KLRD1: variants seen among roughly 807,000 people sequenced by gnomAD.
The protein encoded by KLRD1 is killer cell lectin like receptor D1, also known as natural killer cells antigen CD94.
A neutral mutation model predicts 22.6 loss-of-function variants in KLRD1; 21 were observed. That is an observed-to-expected ratio of 0.93 (90% confidence interval 0.66 to 1.34). The LOEUF (loss-of-function observed/expected upper bound fraction) is 1.34. Among genes scored for constraint, KLRD1 ranks in the 40% most tolerant of loss-of-function variants. The pLI is 0.00. For missense variants in KLRD1, 183 were observed against 208.6 expected (o/e 0.88, Z 0.76); for synonymous variants, 59 against 71.1 (o/e 0.83, Z 0.85).
intron 5 of KLRD1, among the ~76,000 whole-genome samples, chr12:10,313,730 T>A (rs896565459): frequency 6.6e-6 from 1 of 152,142 alleles, no homozygotes; most frequent in Non-Finnish European, 1.5e-5. Flanking sequence ...TAATGCCTAA[T>A]GAAAGGAGGT....
rs967791357 is a variant in KLRD1, at chr12:10,322,763, G to A, written c.*7970G>A. 7.2e-5 allele frequency: 11 copies of A among 151,838 alleles called. No individual in the cohort carries two copies. Among genetic ancestry groups the A allele is most frequent in the African/African-American group, 2.7e-4 (11 of 41,392 alleles). 9.4% of individuals were successfully genotyped at this position (151,838 alleles called of 1,614,324 possible). A position where few individuals can be genotyped will look rare whatever the true frequency, so the allele number is the denominator to read the frequency against. On this transcript the variant is annotated 3_prime_UTR_variant, in exon 6 of 6. Coordinates refer to ENST00000336164, the MANE Select transcript of KLRD1 (RefSeq NM_002262.5). Reference sequence around the variant, plus strand: ...ATTTAAGCTATGTCTACACTTACACGATTACTACCAGATTGCAATAGAGAC... The same window carrying A: ...ATTTAAGCTATGTCTACACTTACACAATTACTACCAGATTGCAATAGAGAC...
At chr12:10,250,030 A>T (rs1310541093) in intron 1 of KLRD1, among the ~76,000 whole-genome samples, 2 of 152,084 alleles carry the variant, frequency 1.3e-5, no homozygotes, top group African/African-American at 4.8e-5. Context: ...TGTTGTACAT[A>T]CGTTGTCCGT....
intron 1 of KLRD1, among the ~76,000 whole-genome samples, chr12:10,297,704 A>T (rs1949834534): frequency 6.6e-6 from 1 of 152,084 alleles, no homozygotes; most frequent in Admixed American, 6.5e-5. Context: ...CTAACCAAAC[A>T]CTGGAGATTG....
chr12:10,270,030 A>G (rs1246406690), intron 1 of KLRD1, among the ~76,000 whole-genome samples: 2 of 152,292 alleles, frequency 1.3e-5, no homozygotes, highest in East Asian at 3.9e-4. Flanking sequence ...TGCCAAACCA[A>G]TAACATCTAT....
intron 1 of KLRD1, among the ~76,000 whole-genome samples, chr12:10,274,955 A>T (rs904458665): frequency 3.3e-5 from 5 of 151,956 alleles, no homozygotes; most frequent in Non-Finnish European, 7.4e-5. Flanking sequence ...CAATGGTGTG[A>T]TCTCGACTCA....
chr12:10,265,230 T>A (rs1345162388), intron 1 of KLRD1, among the ~76,000 whole-genome samples: 1 of 152,196 alleles, frequency 6.6e-6, no homozygotes, highest in African/African-American at 2.4e-5. Flanking sequence ...TATCATATTA[T>A]ATATAGACAT....
intron 1 of KLRD1, among the ~76,000 whole-genome samples, chr12:10,292,213 A>G (rs2137668049): frequency 6.6e-6 from 1 of 152,296 alleles, no homozygotes; most frequent in Non-Finnish European, 1.5e-5. Context: ...GATTGGAATC[A>G]ACTTCTTCTA....
At chr12:10,309,344 G>A (rs1565468874) in intron 1 of KLRD1, 44 bp from the exon 2 acceptor site, 1 of 858,896 alleles carries the variant, frequency 1.2e-6, no homozygotes, top group Non-Finnish European at 2.0e-6. Context: ...CTCAGCTCCT[G>A]AGTTTGCTCT....
At chr12:10,247,468 A>G (rs958260689) in intron 1 of KLRD1, among the ~76,000 whole-genome samples, 3 of 152,170 alleles carry the variant, frequency 2.0e-5, no homozygotes, top group African/African-American at 7.2e-5. Flanking sequence ...CATTTTTAGA[A>G]AATTTAATAC....
At chr12:10,284,021 CAAA>C (rs10706142) in intron 1 of KLRD1, among the ~76,000 whole-genome samples, 9,018 of 129,348 alleles carry the variant, frequency 0.07, 374 homozygotes, top group East Asian at 0.24. Flanking sequence ...ATTAAAAATA[CAAA>C]AAAAAAAAAA....
intron 1 of KLRD1, among the ~76,000 whole-genome samples, chr12:10,244,095 C>T (rs1214206124): frequency 1.3e-5 from 2 of 152,058 alleles, no homozygotes; most frequent in African/African-American, 4.8e-5. Context: ...AAATAGGTCA[C>T]TTGTTGTTGG....
intron 1 of KLRD1, among the ~76,000 whole-genome samples, chr12:10,242,071 G>GTTTTTTTTTT (rs72326980): frequency 4.0e-5 from 4 of 99,394 alleles, no homozygotes; most frequent in Non-Finnish European, 7.4e-5. Context: ...TGTTCTTGCT[G>GTTTTTTTTTT]TTTTTTTTTT....
At chr12:10,275,874 G>A (rs978045958) in intron 1 of KLRD1, among the ~76,000 whole-genome samples, 2 of 152,152 alleles carry the variant, frequency 1.3e-5, no homozygotes, top group African/African-American at 4.8e-5. Context: ...TAAAAGTTAA[G>A]TAAAGATAGA....
At chr12:10,267,820 C>G (rs1479649390) in intron 1 of KLRD1, among the ~76,000 whole-genome samples, 2 of 152,190 alleles carry the variant, frequency 1.3e-5, no homozygotes, top group African/African-American at 2.4e-5. Context: ...TACTGTCATT[C>G]TTACAGTTAT....
intron 1 of KLRD1, among the ~76,000 whole-genome samples, chr12:10,248,608 T>C (rs1949316568): frequency 7.0e-6 from 1 of 143,658 alleles, no homozygotes; most frequent in African/African-American, 2.5e-5. Flanking sequence ...CTTTTCTTTC[T>C]TTTTTTTTTT....
At position 10,311,632 on chromosome 12, in the gene KLRD1, A is replaced by G; in HGVS notation, c.315+17A>G. 6.2e-7 allele frequency: 1 copy of G among 1,608,928 alleles called. No homozygotes were observed. Among genetic ancestry groups the G allele is most frequent in the Non-Finnish European group, 8.5e-7 (1 of 1,176,452 alleles). On this transcript the variant is annotated intron_variant, in intron 4 of 5. Transcript: ENST00000336164. ...GATGAACTGGCATGTGCTGAGTCTGATTTTCTACATTTTCTTTGATCTAGA... is the reference window on the plus strand; with the variant it reads ...GATGAACTGGCATGTGCTGAGTCTGGTTTTCTACATTTTCTTTGATCTAGA...
At position 10,323,231 on chromosome 12, in the gene KLRD1, C is replaced by T. The variant is rs984729027; in HGVS notation, c.*8438C>T. On this transcript the variant is annotated 3_prime_UTR_variant, in exon 6 of 6. Transcript: ENST00000336164. The stretch of plus-strand genomic sequence containing the variant: ...TGTCATATATTTAGGCCCTTTAGTT[C>T]ACGCTTTAAAAACTAGTGATAATTT... 2 of 152,190 alleles carry T rather than the reference C, an allele frequency of 1.3e-5. No homozygotes were observed. The highest frequency in any genetic ancestry group is 1.9e-4 in the East Asian group (1 of 5,184). The allele number at this position is 152,190 out of a possible 1,614,324, so 9.4% of individuals were successfully genotyped here.
chr12:10,251,583 T>C (rs1949347128), intron 1 of KLRD1, among the ~76,000 whole-genome samples: 1 of 152,068 alleles, frequency 6.6e-6, no homozygotes, highest in South Asian at 2.1e-4. Context: ...TTACATTTAT[T>C]GTGCACTTTA....
At chr12:10,279,257 G>A (rs1054801262) in intron 1 of KLRD1, among the ~76,000 whole-genome samples, 1 of 152,022 alleles carries the variant, frequency 6.6e-6, no homozygotes, top group Non-Finnish European at 1.5e-5. Context: ...TTGGTTTTCT[G>A]TTTCTGTGTT....
Sources: allele counts gnomAD v4.1 joint callset (sites outside exome capture counted in the v4.1 genomes callset), GRCh38; gene constraint gnomAD v4.1.1; transcripts MANE v1.5; gene names NCBI Gene and HGNC (gene_info 2026-07-23, HGNC 2026-07-21).